Variants in RELN observed in about 807,000 individuals in gnomAD.
The protein encoded by RELN is reelin.
A neutral mutation model predicts 427.6 loss-of-function variants in RELN; 108 were observed. That is an observed-to-expected ratio of 0.25 (90% confidence interval 0.22 to 0.30). The LOEUF (loss-of-function observed/expected upper bound fraction) is 0.30, where lower values mean the gene tolerates loss of function less well. RELN is among the 10% of genes least tolerant of loss of function. The pLI is 1.00. For synonymous variants in RELN, 1,524 were observed against 1,513.4 expected, an observed-to-expected ratio of 1.01 and a Z score of -0.16; for missense variants, 3,715 against 4,302.8, an observed-to-expected ratio of 0.86 and a Z score of 3.82.
chr7:103,697,842 AG>A lies in RELN; in HGVS notation c.1143+10del. The A allele has an allele frequency of 6.2e-7, 1 of 1,613,510 alleles. No individual in the cohort carries two copies. Among genetic ancestry groups the A allele is most frequent in the African/African-American group, 1.3e-5 (1 of 75,026 alleles). On this transcript the variant is annotated intron_variant, in intron 10 of 64. Transcript: ENST00000428762. The stretch of plus-strand genomic sequence containing the variant: ...GATTAAAACAACCCAAAAACTAAAA[AG>A]AGCTCTAACCTTAACTGTAGCTCCT...
chr7:103,640,830 A>G lies in RELN; in HGVS notation c.2003-221T>C, dbSNP rs575909293. Among the ~76,000 whole-genome samples, 20 of 152,320 alleles carry G rather than the reference A, an allele frequency of 1.3e-4. No individual in the cohort carries two copies. The highest frequency in any genetic ancestry group is 3.8e-4 in the African/African-American group (16 of 41,580). ...AATCCTTTTAAGATTTTAACATTTC[A>G]TATCAAAGAAGATAGGAGCTTATGA... is the stretch of plus-strand genomic sequence containing the variant. On this transcript the variant is annotated intron_variant, in intron 16 of 64. Transcript: ENST00000428762. The surrounding 1 kb of genome is among the most constrained non-coding windows in gnomAD (Gnocchi z 4.1).
At position 103,495,901 on chromosome 7, in the gene RELN, G is replaced by GT; in HGVS notation, c.9194-4dup. ...GTTTTCTTCATGGGAAGTGCCTTCTGTTAAGGAAAATTGGAAGCAATATGG... is the reference window on the plus strand; with the variant it reads ...GTTTTCTTCATGGGAAGTGCCTTCTGTTTAAGGAAAATTGGAAGCAATATGG... On this transcript the variant is annotated splice_region_variant and splice_polypyrimidine_tract_variant and intron_variant, in intron 56 of 64. Coordinates refer to ENST00000428762, the MANE Select transcript of RELN (RefSeq NM_005045.4). 1 of 1,613,380 alleles carries GT rather than the reference G, an allele frequency of 6.2e-7. No individual in the cohort carries two copies. Among genetic ancestry groups the GT allele is most frequent in the Non-Finnish European group, 8.5e-7 (1 of 1,179,666 alleles).
intron 60 of RELN, among the ~76,000 whole-genome samples, chr7:103,488,159 A>AAAGAT (rs1383160625): frequency 6.6e-6 from 1 of 152,210 alleles, no homozygotes; most frequent in Non-Finnish European, 1.5e-5. Context: ...CAAAAAAAAA[A>AAAGAT]AAGATATTCA....
chr7:103,956,559 T>G (rs1796438300), intron 1 of RELN, among the ~76,000 whole-genome samples: 1 of 152,200 alleles, frequency 6.6e-6, no homozygotes, highest in African/African-American at 2.4e-5. Context: ...TTCAAAACTT[T>G]TTAATTAGGA....
chr7:103,844,036 G>T (rs1793618920), intron 2 of RELN, among the ~76,000 whole-genome samples: 1 of 152,150 alleles, frequency 6.6e-6, no homozygotes, highest in Admixed American at 6.5e-5. Context: ...CTCACCACCT[G>T]GTGCCTGCTC....
intron 2 of RELN, among the ~76,000 whole-genome samples, chr7:103,845,146 A>ATT (rs35437668): frequency 8.9e-5 from 8 of 89,874 alleles, no homozygotes; most frequent in African/African-American, 2.9e-4. Context: ...TCAAAAAAAA[A>ATT]TTTTTTTTTT....
chr7:103,631,286 C>CTTTTTTTT (rs545808640), intron 19 of RELN, among the ~76,000 whole-genome samples: 4,196 of 77,812 alleles, frequency 0.054, 351 homozygotes, highest in Non-Finnish European at 0.066. Flanking sequence ...AAAAACACTT[C>CTTTTTTTT]TTTTTTTTTT....
chr7:103,565,676 T>C (rs1830735195), intron 33 of RELN, 125 bp from the exon 34 acceptor site: 2 of 842,036 alleles, frequency 2.4e-6, no homozygotes, highest in African/African-American at 3.4e-5. Context: ...GCCCCCTATG[T>C]GCTTTGACTT....
At position 103,810,242 on chromosome 7, in the gene RELN, G is replaced by A. The variant is rs75468623; in HGVS notation, c.473+23295C>T. Among the ~76,000 whole-genome samples, 303 of 151,966 alleles carry A rather than the reference G, an allele frequency of 2.0e-3. 1 individual carries two copies. Among genetic ancestry groups the A allele is most frequent in the African/African-American group, 4.5e-3 (186 of 41,440 alleles). On this transcript the variant is annotated intron_variant, in intron 3 of 64. Transcript: ENST00000428762. ...CCCGGGGCGTCTTCTGCTTTCATGC[G>A]TGCATTTACTCTGCCCCTTGCCCCA...
intron 10 of RELN, among the ~76,000 whole-genome samples, chr7:103,688,215 A>G (rs867046285): frequency 6.6e-6 from 1 of 152,130 alleles, no homozygotes; most frequent in African/African-American, 2.4e-5. Flanking sequence ...GAAAAAAGAC[A>G]TGGGAACATG....
intron 49 of RELN, 67 bp downstream of exon 49, chr7:103,519,256 G>A (rs1356148612): frequency 1.0e-5 from 13 of 1,265,196 alleles, no homozygotes; most frequent in East Asian, 2.3e-5. Flanking sequence ...TCAGTCTCCC[G>A]TGACTGATTG....
intron 64 of RELN, 69 bp downstream of exon 64, chr7:103,478,320 C>A: frequency 1.5e-6 from 1 of 681,000 alleles, no homozygotes; most frequent in Non-Finnish European, 2.7e-6. Context: ...CAAAACTTCT[C>A]AGTTAAGTTT....
At chr7:103,628,552 C>T (rs1403765847) in intron 20 of RELN, among the ~76,000 whole-genome samples, 1 of 152,124 alleles carries the variant, frequency 6.6e-6, no homozygotes, top group Non-Finnish European at 1.5e-5. Flanking sequence ...GAATTTTAGC[C>T]TGCTGTGTGT....
At chr7:103,476,014 C>A (rs76481893) in intron 64 of RELN, among the ~76,000 whole-genome samples, 2,284 of 152,252 alleles carry the variant, frequency 0.015, 69 homozygotes, top group African/African-American at 0.053. Context: ...TGGACTCCCA[C>A]AGTTCTGGGA....
chr7:103,501,928 AG>A (rs1248331639), intron 52 of RELN, among the ~76,000 whole-genome samples: 1 of 152,178 alleles, frequency 6.6e-6, no homozygotes, highest in Non-Finnish European at 1.5e-5. Flanking sequence ...ACTGGACGTA[AG>A]TACGGAAGCA....
At chr7:103,711,242 C>T (rs766286632) in intron 8 of RELN, among the ~76,000 whole-genome samples, 1 of 152,154 alleles carries the variant, frequency 6.6e-6, no homozygotes, top group Non-Finnish European at 1.5e-5. Flanking sequence ...TAAATTTTCA[C>T]ATTTGTACCT....
chr7:103,871,901 T>A (rs1191051924), intron 2 of RELN, among the ~76,000 whole-genome samples: 3 of 151,718 alleles, frequency 2.0e-5, no homozygotes, highest in Admixed American at 2.0e-4. Context: ...AATAGTAGAG[T>A]CTATATTAGA....
chr7:103,962,246 C>A (rs1437721126), intron 1 of RELN, among the ~76,000 whole-genome samples: 1 of 152,134 alleles, frequency 6.6e-6, no homozygotes, highest in Non-Finnish European at 1.5e-5. Flanking sequence ...AGCAGCACAG[C>A]CACTCCCTCC....
intron 3 of RELN, among the ~76,000 whole-genome samples, chr7:103,783,509 T>G (rs1791945305): frequency 6.6e-6 from 1 of 152,212 alleles, no homozygotes; most frequent in Non-Finnish European, 1.5e-5. Context: ...TATAGTTACA[T>G]CTTTTATTCC....
Sources: allele counts gnomAD v4.1 joint callset (sites outside exome capture counted in the v4.1 genomes callset), GRCh38; gene constraint gnomAD v4.1.1; non-coding constraint Gnocchi (gnomAD v3.1); transcripts MANE v1.5; gene names NCBI Gene and HGNC (gene_info 2026-07-23, HGNC 2026-07-21).